Variants in AMMECR1 observed in about 807,000 individuals in gnomAD.
The protein encoded by AMMECR1 is AMMECR nuclear protein 1, also known as nuclear protein AMMECR1.
AMMECR1 carries 3 observed loss-of-function variants against 22.5 expected under a neutral mutation model. The observed-to-expected ratio is 0.13, with a 90% CI of 0.06 to 0.35. The LOEUF is 0.35. Ranked by LOEUF, AMMECR1 falls within the 10% of genes least tolerant of loss-of-function variation. AMMECR1 has a pLI of 1.00. For missense variants in AMMECR1, 235 were observed against 278.7 expected (o/e 0.84, Z 1.12); for synonymous variants, 130 against 116.7 (o/e 1.11, Z -0.74).
chrX:110,234,779 G>A (rs1316871923), intron 2 of AMMECR1, among the ~76,000 whole-genome samples: 2 of 111,829 alleles, frequency 1.8e-5, no homozygotes, highest in African/African-American at 6.5e-5. Flanking sequence ...CTAGCCATAT[G>A]TAGAGAGCTG....
chrX:110,423,645 G>A (rs1307056584), intron 2 of AMMECR1, among the ~76,000 whole-genome samples: 1 of 112,342 alleles, frequency 8.9e-6, no homozygotes, highest in Non-Finnish European at 1.9e-5. Context: ...AAGGAACTAA[G>A]GTGATCAACT....
intron 2 of AMMECR1, among the ~76,000 whole-genome samples, chrX:110,339,078 T>C (rs376812404): frequency 1.4e-3 from 159 of 111,478 alleles, no homozygotes; most frequent in Non-Finnish European, 2.1e-3. Context: ...GAGTAAAAAA[T>C]TAAAAGCAAA....
intron 1 of AMMECR1, among the ~76,000 whole-genome samples, chrX:110,272,167 G>C (rs2067802473): frequency 9.0e-6 from 1 of 110,577 alleles, no homozygotes; most frequent in South Asian, 3.9e-4. Flanking sequence ...AGTGAGCCAA[G>C]ATCGGGCCAC....
chrX:110,241,046 C>T (rs1275328681), intron 2 of AMMECR1, among the ~76,000 whole-genome samples: 1 of 111,643 alleles, frequency 9.0e-6, no homozygotes, highest in Non-Finnish European at 1.9e-5. Context: ...AACAAAGACA[C>T]AATGTACCAG....
chrX:110,318,948 G>A (rs2068068447), upstream of AMMECR1, among the ~76,000 whole-genome samples: 1 of 112,255 alleles, frequency 8.9e-6, no homozygotes, highest in South Asian at 3.7e-4. Context: ...ACTTGCAGTG[G>A]TGGACTTTTC....
intron 2 of AMMECR1, among the ~76,000 whole-genome samples, chrX:110,234,516 T>C (rs953009635): frequency 1.4e-4 from 16 of 111,905 alleles, no homozygotes; most frequent in African/African-American, 4.2e-4. Flanking sequence ...GAGCCTGCAT[T>C]GCCAAGACAA....
At chrX:110,272,370 A>G (rs1299311093) in intron 1 of AMMECR1, among the ~76,000 whole-genome samples, 4 of 112,209 alleles carry the variant, frequency 3.6e-5, no homozygotes, top group African/African-American at 1.3e-4. Flanking sequence ...ATTAATTGAT[A>G]CAGTCAACTC....
intron 2 of AMMECR1, among the ~76,000 whole-genome samples, chrX:110,252,723 T>A (rs2067692242): frequency 8.9e-6 from 1 of 112,526 alleles, no homozygotes; most frequent in African/African-American, 3.2e-5. Flanking sequence ...TCAACTAATA[T>A]TTTCTGAATG....
At position 110,335,153 on chromosome X, in the gene AMMECR1, G is replaced by C. The variant is rs189173274; in HGVS notation, c.-147-17304C>G. Reference sequence around the variant, plus strand: ...ATAGTATCTTCTTCATGGGGTTATTGGGAAGATTCAATCATATAATGAATG... The same window carrying C: ...ATAGTATCTTCTTCATGGGGTTATTCGGAAGATTCAATCATATAATGAATG... On this transcript the variant is annotated intron_variant, in intron 2 of 7. Coordinates refer to the AMMECR1 transcript ENST00000372057. Among the ~76,000 whole-genome samples, 15 of 111,419 alleles carry C rather than the reference G, an allele frequency of 1.3e-4. No homozygotes were observed. In the East Asian group the frequency reaches 2.0e-3, roughly 15 times the overall value.
intron 2 of AMMECR1, among the ~76,000 whole-genome samples, chrX:110,350,912 G>A (rs979960025): frequency 9.0e-6 from 1 of 111,330 alleles, no homozygotes; most frequent in African/African-American, 3.3e-5. Context: ...AGTTGAGACT[G>A]CAGTGAGTCA....
At chrX:110,400,792 G>A (rs999823619) in intron 2 of AMMECR1, among the ~76,000 whole-genome samples, 2 of 111,473 alleles carry the variant, frequency 1.8e-5, no homozygotes, top group African/African-American at 6.5e-5. Context: ...ACTTGAATGT[G>A]AGCCCCTTGA....
chrX:110,233,872 C>A (rs972954729), intron 2 of AMMECR1, among the ~76,000 whole-genome samples: 1 of 112,172 alleles, frequency 8.9e-6, no homozygotes, highest in African/African-American at 3.2e-5. Flanking sequence ...CAGCCAATAT[C>A]ATAATGAATG....
chrX:110,270,741 G>A, intron 1 of AMMECR1, among the ~76,000 whole-genome samples: 1 of 111,786 alleles, frequency 8.9e-6, no homozygotes, highest in East Asian at 2.8e-4. Flanking sequence ...GAAGCCCACA[G>A]CAAGGCCTAC....
At chrX:110,407,010 A>G (rs1244707812) in intron 2 of AMMECR1, among the ~76,000 whole-genome samples, 1 of 111,603 alleles carries the variant, frequency 9.0e-6, no homozygotes, top group Non-Finnish European at 1.9e-5. Context: ...TGGCACCTGG[A>G]TGATTGATTG....
intron 2 of AMMECR1, among the ~76,000 whole-genome samples, chrX:110,330,208 C>T (rs2068115226): frequency 8.9e-6 from 1 of 111,943 alleles, no homozygotes; most frequent in South Asian, 3.8e-4. Context: ...ATCTTTTAAT[C>T]ATTTCAGAAA....
At chrX:110,304,701 A>C (rs1453055899) in intron 1 of AMMECR1, among the ~76,000 whole-genome samples, 1 of 112,161 alleles carries the variant, frequency 8.9e-6, no homozygotes, top group African/African-American at 3.2e-5. Flanking sequence ...TTTTACCAAG[A>C]AAGAGGCCAC....
At chrX:110,223,334 G>C (rs2067514186) in intron 2 of AMMECR1, among the ~76,000 whole-genome samples, 1 of 111,997 alleles carries the variant, frequency 8.9e-6, no homozygotes, top group Non-Finnish European at 1.9e-5. Flanking sequence ...ATGAAAATCT[G>C]CCAAAGTAAA....
rs1484543208 is a variant in AMMECR1, at chrX:110,324,381, A to T, written c.-147-6532T>A. Among the ~76,000 whole-genome samples the T allele has an allele frequency of 2.2e-4, 24 of 110,988 alleles. 1 individual carries two copies. The highest frequency in any genetic ancestry group is 4.5e-4 in the Non-Finnish European group (24 of 52,944). Reference sequence around the variant, plus strand: ...ATAGTTTTTTGTTGGATTTCTTAAGATTTTGTGTACACAAGATTGTGTCAT... The same window carrying T: ...ATAGTTTTTTGTTGGATTTCTTAAGTTTTTGTGTACACAAGATTGTGTCAT... On this transcript the variant is annotated intron_variant, in intron 2 of 7. Coordinates refer to the AMMECR1 transcript ENST00000372057.
chrX:110,318,221 A>ACGCGGCTGCCC (rs1443715377), upstream of AMMECR1: 1 of 306,847 alleles, frequency 3.3e-6, no homozygotes, highest in East Asian at 2.2e-4. Flanking sequence ...CTGCCTAGCC[A>ACGCGGCTGCCC]CGCGGCTGCC....
Sources: allele counts gnomAD v4.1 joint callset (sites outside exome capture counted in the v4.1 genomes callset), GRCh38; gene constraint gnomAD v4.1.1; transcripts MANE v1.5; gene names NCBI Gene and HGNC (gene_info 2026-07-23, HGNC 2026-07-21).